The following STK39 variants were observed in gnomAD, a reference collection of about 807,000 sequenced individuals.
The protein encoded by STK39 is STE20/SPS1-related proline-alanine-rich protein kinase.
STK39 carries 20 observed loss-of-function variants against 77.8 expected under a neutral mutation model. The observed-to-expected ratio is 0.26, with a 90% CI of 0.18 to 0.37. The LOEUF (loss-of-function observed/expected upper bound fraction) is 0.37. Ranked by LOEUF, STK39 falls within the 10% of genes least tolerant of loss-of-function variation. STK39 has a pLI of 1.00. For missense variants in STK39, 479 were observed against 656.5 expected (o/e 0.73, Z 2.95); for synonymous variants, 246 against 234.1 (o/e 1.05, Z -0.47).
intron 10 of STK39, among the ~76,000 whole-genome samples, chr2:168,080,243 C>T (rs1032867100): frequency 7.2e-5 from 11 of 152,158 alleles, no homozygotes; most frequent in African/African-American, 2.7e-4. Flanking sequence ...GCAAAGCATT[C>T]AAGAGGTGAC....
chr2:167,971,928 G>A (rs565946480), intron 16 of STK39, among the ~76,000 whole-genome samples: 2 of 152,344 alleles, frequency 1.3e-5, no homozygotes, highest in South Asian at 2.1e-4. Context: ...GCTGATGTCT[G>A]CGTTTTGTCT....
chr2:168,109,895 AT>A (rs1248791600), intron 10 of STK39, among the ~76,000 whole-genome samples: 1 of 152,008 alleles, frequency 6.6e-6, no homozygotes, highest in Non-Finnish European at 1.5e-5. Context: ...GTTTATGTTC[AT>A]TTTTCTACTG....
At chr2:167,999,175 T>C (rs1391812679) in intron 16 of STK39, among the ~76,000 whole-genome samples, 1 of 152,240 alleles carries the variant, frequency 6.6e-6, no homozygotes, top group Non-Finnish European at 1.5e-5. Context: ...CCATTATTTC[T>C]ACACATGCCT....
chr2:168,061,374 T>C (rs909176353), intron 14 of STK39, among the ~76,000 whole-genome samples: 1 of 152,110 alleles, frequency 6.6e-6, no homozygotes, highest in Admixed American at 6.5e-5. Flanking sequence ...AGTTACGAGA[T>C]CAAATAGGTT....
At chr2:168,219,418 G>A (rs142621976) in intron 1 of STK39, among the ~76,000 whole-genome samples, 1 of 152,120 alleles carries the variant, frequency 6.6e-6, no homozygotes, top group Non-Finnish European at 1.5e-5. Flanking sequence ...TCCTACCCTG[G>A]ACGGAAGAGG....
chr2:168,165,207 T>C (rs1688667482), intron 3 of STK39, among the ~76,000 whole-genome samples: 2 of 152,086 alleles, frequency 1.3e-5, no homozygotes, highest in Admixed American at 1.3e-4. Flanking sequence ...AAAAGAAAAA[T>C]GAACAAGAGT....
intron 1 of STK39, among the ~76,000 whole-genome samples, chr2:168,246,901 G>T (rs887396658): frequency 8.6e-5 from 13 of 151,836 alleles, no homozygotes; most frequent in African/African-American, 2.4e-4. Flanking sequence ...CACGCGGGGG[G>T]AGGAAGATGC....
At chr2:168,134,143 T>C (rs1444787270) in intron 8 of STK39, among the ~76,000 whole-genome samples, 3 of 152,182 alleles carry the variant, frequency 2.0e-5, no homozygotes, top group African/African-American at 7.2e-5. Context: ...AACAGTTTTA[T>C]GAGAAATGCT....
intron 1 of STK39, among the ~76,000 whole-genome samples, chr2:168,192,134 G>T (rs1689354876): frequency 6.6e-6 from 1 of 152,174 alleles, no homozygotes; most frequent in East Asian, 1.9e-4. Context: ...AAGCTGACAA[G>T]AACAGTAACA....
chr2:168,036,093 C>T (rs546924216), intron 14 of STK39, among the ~76,000 whole-genome samples: 2 of 152,238 alleles, frequency 1.3e-5, no homozygotes, highest in African/African-American at 4.8e-5. Context: ...TTGCAGATTT[C>T]TTACATTAAG....
chr2:168,030,505 T>C lies in STK39; in HGVS notation c.1377-13410A>G, dbSNP rs1490018753. 2.0e-5 allele frequency among the ~76,000 whole-genome samples: 3 copies of C among 152,310 alleles called. No individual in the cohort carries two copies. In the East Asian group the frequency reaches 5.8e-4, roughly 29 times the overall value. On this transcript the variant is annotated intron_variant, in intron 14 of 17. Transcript: ENST00000355999. ...ATGTGTAATCGAATCCAGGGGAAAT[T>C]ATATTAAAGATTAGCAAATTTAAAA...
Position 167,964,863 on chromosome 2 carries a change from T to C in STK39, c.1499-137A>G, listed in dbSNP as rs1157782855. The C allele has an allele frequency of 1.8e-5, 12 of 677,634 alleles. No homozygotes were observed. In the East Asian group the frequency reaches 1.9e-4, roughly 11 times the overall value. 42.0% of individuals were successfully genotyped at this position (677,634 alleles called of 1,614,324 possible). ...TTTTTCATAAACATTGCAAAGTCCA[T>C]ATAAATGACCAAATTACTCTCATAC... On this transcript the variant is annotated intron_variant, in intron 16 of 17. Transcript: ENST00000355999.
At chr2:168,022,085 A>G (rs943789164) in intron 14 of STK39, among the ~76,000 whole-genome samples, 1 of 152,170 alleles carries the variant, frequency 6.6e-6, no homozygotes, top group Non-Finnish European at 1.5e-5. Flanking sequence ...GTTAGTTTGT[A>G]GAGAGTTTTC....
intron 1 of STK39, among the ~76,000 whole-genome samples, chr2:168,201,518 C>T (rs1227732643): frequency 6.6e-6 from 1 of 152,216 alleles, no homozygotes; most frequent in East Asian, 1.9e-4. Context: ...CCTCAAACCA[C>T]AGCTGCAAAA....
At chr2:168,147,682 GAGA>G (rs1411237131) in intron 5 of STK39, among the ~76,000 whole-genome samples, 3 of 152,120 alleles carry the variant, frequency 2.0e-5, no homozygotes, top group Non-Finnish European at 4.4e-5. Context: ...GCCTTGCAGT[GAGA>G]GCTAACATGG....
Position 168,075,196 on chromosome 2 carries a change from A to G in STK39, c.1125T>C (p.His375=), listed in dbSNP as rs1310711873. ...ACTCCCAGTCCCCGTCTTCGGTTTTATGAAGGTGACCACTTGACCCAGGAA... is the reference window on the plus strand; with the variant it reads ...ACTCCCAGTCCCCGTCTTCGGTTTTGTGAAGGTGACCACTTGACCCAGGAA... ...RRVPGSSGHL[H]KTEDGDWEWS... Residue 375 remains histidine, a synonymous_variant, in exon 11 of 18, where the codon CAT becomes CAC. Transcript: ENST00000355999. The G allele has an allele frequency of 1.2e-6, 2 of 1,613,992 alleles. No individual in the cohort carries two copies.
chr2:168,036,537 T>C (rs1018796116), intron 14 of STK39, among the ~76,000 whole-genome samples: 4 of 152,184 alleles, frequency 2.6e-5, no homozygotes, highest in Admixed American at 6.5e-5. Flanking sequence ...TTGGGTAAGA[T>C]TAAAAATGTT....
chr2:168,239,601 T>C (rs1690707436), intron 1 of STK39, among the ~76,000 whole-genome samples: 1 of 152,216 alleles, frequency 6.6e-6, no homozygotes, highest in Non-Finnish European at 1.5e-5. Context: ...ATCCTCAGGA[T>C]CCAGTGAGGC....
chr2:167,988,912 A>T (rs767658345), intron 16 of STK39, among the ~76,000 whole-genome samples: 1 of 152,182 alleles, frequency 6.6e-6, no homozygotes, highest in Non-Finnish European at 1.5e-5. Flanking sequence ...ACAATGATAG[A>T]TCGAGAGCAA....
Sources: allele counts gnomAD v4.1 joint callset (sites outside exome capture counted in the v4.1 genomes callset), GRCh38; gene constraint gnomAD v4.1.1; transcripts MANE v1.5; gene names NCBI Gene and HGNC (gene_info 2026-07-23, HGNC 2026-07-21).